IGF2BP2: variants seen among roughly 807,000 people sequenced by gnomAD.
IGF2BP2 encodes the protein insulin like growth factor 2 mRNA binding protein 2, also known as insulin-like growth factor 2 mRNA-binding protein 2.
IGF2BP2 carries 17 observed loss-of-function variants against 75.8 expected under a neutral mutation model. The observed-to-expected ratio is 0.22, with a 90% CI of 0.15 to 0.34. IGF2BP2 has a LOEUF of 0.34. Ranked by LOEUF, IGF2BP2 falls within the 10% of genes least tolerant of loss-of-function variation. The probability of loss-of-function intolerance (pLI) is 1.00; values close to 1 mark genes in which losing one functional copy is unlikely to be tolerated. For synonymous variants in IGF2BP2, 288 were observed against 295.6 expected (o/e 0.97, Z 0.26); for missense variants, 516 against 772.4 (o/e 0.67, Z 3.93).
intron 2 of IGF2BP2, among the ~76,000 whole-genome samples, chr3:185,770,130 G>A (rs1733682049): frequency 6.6e-6 from 1 of 152,158 alleles, no homozygotes; most frequent in African/African-American, 2.4e-5. Flanking sequence ...AGAACTGGGG[G>A]ATGGTCTCTC....
intron 10 of IGF2BP2, among the ~76,000 whole-genome samples, chr3:185,658,973 G>C (rs1361137185): frequency 6.6e-6 from 1 of 152,136 alleles, no homozygotes; most frequent in Non-Finnish European, 1.5e-5. Flanking sequence ...ACTGAGCTTT[G>C]GGAATCTGAA....
chr3:185,721,518 GTTT>G (rs532274048), intron 2 of IGF2BP2, among the ~76,000 whole-genome samples: 1 of 151,694 alleles, frequency 6.6e-6, no homozygotes. Context: ...CTTTCAAGCA[GTTT>G]TTTTTCTTTT....
At chr3:185,766,970 C>T (rs1032819775) in intron 2 of IGF2BP2, among the ~76,000 whole-genome samples, 3 of 152,238 alleles carry the variant, frequency 2.0e-5, no homozygotes, top group Non-Finnish European at 4.4e-5. Flanking sequence ...TTTAGACATT[C>T]TCTCCACATT....
intron 4 of IGF2BP2, among the ~76,000 whole-genome samples, chr3:185,695,751 G>C (rs571593751): frequency 6.6e-6 from 1 of 152,184 alleles, no homozygotes; most frequent in Non-Finnish European, 1.5e-5. Flanking sequence ...CCTGAGACAG[G>C]TGTTCTCAAA....
chr3:185,791,531 CTG>C (rs1177598091), intron 2 of IGF2BP2, among the ~76,000 whole-genome samples: 2 of 152,224 alleles, frequency 1.3e-5, no homozygotes, highest in Non-Finnish European at 2.9e-5. Flanking sequence ...GGCGTGTCCT[CTG>C]TGCCAGGCAC....
chr3:185,760,680 C>A (rs1363602615), intron 2 of IGF2BP2, among the ~76,000 whole-genome samples: 3 of 152,146 alleles, frequency 2.0e-5, no homozygotes, highest in East Asian at 1.9e-4. Flanking sequence ...CTCCAACCCC[C>A]AGGTAAGGCA....
At chr3:185,702,688 T>C (rs974288421) in intron 2 of IGF2BP2, among the ~76,000 whole-genome samples, 1 of 152,014 alleles carries the variant, frequency 6.6e-6, no homozygotes, top group Admixed American at 6.6e-5. Flanking sequence ...CAGTCACTTT[T>C]TCCACACACG....
At chr3:185,720,500 A>G (rs1166363383) in intron 2 of IGF2BP2, among the ~76,000 whole-genome samples, 1 of 152,174 alleles carries the variant, frequency 6.6e-6, no homozygotes, top group Non-Finnish European at 1.5e-5. Context: ...TGATATCACC[A>G]AAACGGAAAT....
Position 185,643,985 on chromosome 3 carries a change from TTAAA to T in IGF2BP2, c.*1542_*1545del, listed in dbSNP as rs1713090149. ...TTTTTCTTTGTCATCTTTTTTTTTTTTAAATAAACATTTTCAAGGTTTGTCCAAA... is the reference window on the plus strand; with the variant it reads ...TTTTTCTTTGTCATCTTTTTTTTTTTTAAACATTTTCAAGGTTTGTCCAAA... On this transcript the variant is annotated 3_prime_UTR_variant, in exon 16 of 16. Transcript: ENST00000382199. 1 of 152,308 alleles carries T rather than the reference TTAAA, an allele frequency of 6.6e-6. No homozygotes were observed. Among genetic ancestry groups the T allele is most frequent in the Non-Finnish European group, 1.5e-5 (1 of 67,968 alleles). The allele number at this position is 152,308 out of a possible 1,614,324, so 9.4% of individuals were successfully genotyped here.
At chr3:185,709,156 A>G (rs920286369) in intron 2 of IGF2BP2, among the ~76,000 whole-genome samples, 1 of 149,142 alleles carries the variant, frequency 6.7e-6, no homozygotes, top group Non-Finnish European at 1.5e-5. Flanking sequence ...CAAGTATATA[A>G]ATGTTTGCTT....
chr3:185,741,308 T>C (rs368194868), intron 2 of IGF2BP2, among the ~76,000 whole-genome samples: 2 of 152,206 alleles, frequency 1.3e-5, no homozygotes, highest in African/African-American at 4.8e-5. Context: ...CCGATAATTT[T>C]ATAAATCCAA....
intron 10 of IGF2BP2, among the ~76,000 whole-genome samples, chr3:185,664,369 G>A (rs1320981906): frequency 6.6e-6 from 1 of 152,166 alleles, no homozygotes; most frequent in African/African-American, 2.4e-5. Context: ...CCTAAGGATT[G>A]TAATTATGCT....
rs1041162659 is a variant in IGF2BP2 at position 185,665,723 on chromosome 3, T to C, written c.1200+6818A>G. On this transcript the variant is annotated intron_variant, in intron 10 of 15. Coordinates refer to ENST00000382199, the MANE Select transcript of IGF2BP2 (RefSeq NM_006548.6). ...GGCTCACACCTGTAATCCCAGCACT[T>C]TGGGAGGCCAAGGCGGGCAGATTAC... is the stretch of plus-strand genomic sequence containing the variant. Among the ~76,000 whole-genome samples, 7 of 152,258 alleles carry C rather than the reference T, an allele frequency of 4.6e-5. No homozygotes were observed. The East Asian group carries it at 1.4e-3, about 29-fold the overall frequency.
Position 185,672,541 on chromosome 3 carries a change from A to C in IGF2BP2, c.1200T>G (p.Thr400=). The stretch of plus-strand genomic sequence containing the variant: ...AACCTCCACAAGCTGAGCTACTTAC[A>C]GTGAAGGGGTGGTAGGGGGCAGCGG... ...APPAAPYHPF[T]THSGYFSSLY... The change falls in exon 10 of 16, where the codon ACT becomes ACG. Residue 400 remains threonine, a splice_region_variant and synonymous_variant. Transcript: ENST00000382199. 2 of 1,576,016 alleles carry C rather than the reference A, an allele frequency of 1.3e-6. No homozygotes were observed. Among genetic ancestry groups the C allele is most frequent in the Non-Finnish European group, 1.7e-6 (2 of 1,155,070 alleles).
At chr3:185,820,956 A>G in intron 2 of IGF2BP2, 2 of 1,514,286 alleles carry the variant, frequency 1.3e-6, no homozygotes, top group South Asian at 2.5e-5. Context: ...GCAACACAAG[A>G]ACACCAAAAT....
chr3:185,657,443 G>A (rs1325951220), intron 11 of IGF2BP2, 41 bp from the exon 12 acceptor site: 2 of 1,481,380 alleles, frequency 1.4e-6, no homozygotes, highest in Admixed American at 3.4e-5. Flanking sequence ...ATTCCAACCA[G>A]GCTTTCTCCT....
Position 185,676,989 on chromosome 3 carries a change from GAT to G in IGF2BP2, c.813-1078_813-1077del, listed in dbSNP as rs1166535510. Among the ~76,000 whole-genome samples the G allele has an allele frequency of 3.1e-4, 40 of 129,708 alleles. 1 individual carries two copies. The highest frequency in any genetic ancestry group is 4.9e-4 in the South Asian group (2 of 4,092). 85.1% of individuals were successfully genotyped at this position (129,708 alleles called of 152,430 possible). On this transcript the variant is annotated intron_variant, in intron 7 of 15. Coordinates refer to ENST00000382199, the MANE Select transcript of IGF2BP2 (RefSeq NM_006548.6). ...ACATATGGAGATACATATATATGGA[GAT>G]ATATATATATGGAGAGATTATATAT...
At chr3:185,657,939 T>C (rs917538086) in intron 11 of IGF2BP2, among the ~76,000 whole-genome samples, 2 of 152,182 alleles carry the variant, frequency 1.3e-5, no homozygotes. Flanking sequence ...AGGCAGAGGC[T>C]CTTGGGCAAG....
intron 2 of IGF2BP2, among the ~76,000 whole-genome samples, chr3:185,801,928 A>C (rs910372503): frequency 5.9e-5 from 9 of 151,976 alleles, no homozygotes; most frequent in Non-Finnish European, 1.2e-4. Context: ...AGAAAACCAA[A>C]CACCACCTGT....
Sources: allele counts gnomAD v4.1 joint callset (sites outside exome capture counted in the v4.1 genomes callset), GRCh38; gene constraint gnomAD v4.1.1; transcripts MANE v1.5; gene names NCBI Gene and HGNC (gene_info 2026-07-23, HGNC 2026-07-21).